SLC14A2: variants seen among roughly 807,000 people sequenced by gnomAD.
SLC14A2 encodes solute carrier family 14 member 2, also known as urea transporter 2.
SLC14A2 carries 91 observed loss-of-function variants against 104.6 expected under a neutral mutation model. That is an observed-to-expected ratio of 0.87 (90% CI 0.73 to 1.04). The LOEUF is 1.04. SLC14A2 is among the 50% of genes least tolerant of loss of function. The probability of loss-of-function intolerance (pLI) is 0.00; values close to 1 mark genes in which losing one functional copy is unlikely to be tolerated. For missense variants in SLC14A2, 1,189 were observed against 1,156.0 expected (o/e 1.03, Z -0.41); for synonymous variants, 476 against 466.4 (o/e 1.02, Z -0.27).
intron 1 of SLC14A2, among the ~76,000 whole-genome samples, chr18:45,229,133 C>T (rs2084149369): frequency 1.3e-5 from 2 of 152,174 alleles, no homozygotes; most frequent in South Asian, 4.1e-4. Flanking sequence ...GACAAGCACA[C>T]ATCCTCAATA....
intron 1 of SLC14A2, among the ~76,000 whole-genome samples, chr18:45,404,715 G>C (rs1249731869): frequency 6.6e-6 from 1 of 152,150 alleles, no homozygotes; most frequent in Non-Finnish European, 1.5e-5. Flanking sequence ...CCTGAAACTG[G>C]AGTTCCACTT....
At chr18:45,233,813 A>T (rs1017568656) in intron 1 of SLC14A2, among the ~76,000 whole-genome samples, 2 of 140,660 alleles carry the variant, frequency 1.4e-5, no homozygotes, top group East Asian at 2.2e-4. Flanking sequence ...ACCTAAAAGC[A>T]TTTGCCAGTG....
At chr18:45,297,271 ATATGT>A (rs2084926224) in intron 1 of SLC14A2, among the ~76,000 whole-genome samples, 1 of 152,334 alleles carries the variant, frequency 6.6e-6, no homozygotes, top group South Asian at 2.1e-4. Context: ...GTTTCTCTTG[ATATGT>A]TGTCTAATTC....
chr18:45,433,240 C>A (rs1285431390), intron 1 of SLC14A2, among the ~76,000 whole-genome samples: 1 of 152,094 alleles, frequency 6.6e-6, no homozygotes, highest in Non-Finnish European at 1.5e-5. Context: ...GAATATAGTA[C>A]CCCCTCAACA....
intron 1 of SLC14A2, among the ~76,000 whole-genome samples, chr18:45,228,064 A>G (rs2084137527): frequency 6.6e-6 from 1 of 152,168 alleles, no homozygotes; most frequent in Non-Finnish European, 1.5e-5. Context: ...GCCATTGGCA[A>G]TGTTCATTCT....
intron 2 of SLC14A2, among the ~76,000 whole-genome samples, chr18:45,547,591 G>A (rs773977827): frequency 3.9e-5 from 6 of 152,164 alleles, no homozygotes; most frequent in Non-Finnish European, 7.3e-5. Flanking sequence ...TCTGAGTCCC[G>A]GCCAGCCCCT....
chr18:45,439,662 T>A (rs2086652161), intron 1 of SLC14A2, among the ~76,000 whole-genome samples: 2 of 152,182 alleles, frequency 1.3e-5, no homozygotes, highest in Admixed American at 6.5e-5. Context: ...TCTGCTCTGC[T>A]GCACTAAGGA....
chr18:45,452,760 C>G (rs2086877822), intron 1 of SLC14A2, among the ~76,000 whole-genome samples: 1 of 152,162 alleles, frequency 6.6e-6, no homozygotes, highest in South Asian at 2.1e-4. Flanking sequence ...AAGACTCTAG[C>G]AAGACAAGGG....
intron 1 of SLC14A2, among the ~76,000 whole-genome samples, chr18:45,422,112 C>G (rs189716861): frequency 6.6e-6 from 1 of 152,164 alleles, no homozygotes; most frequent in Non-Finnish European, 1.5e-5. Context: ...AGGGTCTTGT[C>G]TGTTAGAAAT....
intron 2 of SLC14A2, among the ~76,000 whole-genome samples, chr18:45,500,700 G>T (rs1174855890): frequency 6.6e-6 from 1 of 151,724 alleles, no homozygotes; most frequent in Non-Finnish European, 1.5e-5. Flanking sequence ...CACATTCCTT[G>T]TTCCCAGCCC....
At chr18:45,414,757 A>AAAATATATATATATATATATATATATAT (rs1360051908) in intron 1 of SLC14A2, among the ~76,000 whole-genome samples, 1 of 76,112 alleles carries the variant, frequency 1.3e-5, no homozygotes, top group African/African-American at 7.7e-5. Context: ...AAAAAAAAAA[A>AAAATATATATATATATATATATATATAT]ATATATATAT....
At chr18:45,651,458 T>C (rs2045735715) in intron 10 of SLC14A2, among the ~76,000 whole-genome samples, 1 of 152,144 alleles carries the variant, frequency 6.6e-6, no homozygotes, top group Non-Finnish European at 1.5e-5. Flanking sequence ...GTTCAGTGTT[T>C]CTCCAGAGCA....
chr18:45,305,599 C>T (rs1274097309), intron 1 of SLC14A2, among the ~76,000 whole-genome samples: 1 of 152,230 alleles, frequency 6.6e-6, no homozygotes, highest in Non-Finnish European at 1.5e-5. Context: ...ACCCATTCCA[C>T]TTCCACCCAT....
At chr18:45,308,150 T>A (rs1423336969) in intron 1 of SLC14A2, among the ~76,000 whole-genome samples, 1 of 152,222 alleles carries the variant, frequency 6.6e-6, no homozygotes, top group Non-Finnish European at 1.5e-5. Flanking sequence ...CCTCCCGGTA[T>A]GTCCCACCTC....
intron 10 of SLC14A2, among the ~76,000 whole-genome samples, chr18:45,654,147 G>GGGCA: frequency 6.6e-6 from 1 of 151,842 alleles, no homozygotes; most frequent in Non-Finnish European, 1.5e-5. Flanking sequence ...TGGGGGGGAC[G>GGGCA]TGGGTGAGCT....
At chr18:45,181,804 CTT>C in the SLC14A2 span, among the ~76,000 whole-genome samples, 1 of 89,614 alleles carries the variant, frequency 1.1e-5, no homozygotes, top group Non-Finnish European at 3.0e-5. Context: ...AAACAGTTTA[CTT>C]TAATATATCT....
At chr18:45,229,572 T>C (rs961448698) in intron 1 of SLC14A2, among the ~76,000 whole-genome samples, 1 of 152,098 alleles carries the variant, frequency 6.6e-6, no homozygotes, top group African/African-American at 2.4e-5. Flanking sequence ...AGAACCTGAG[T>C]GCCTAGCACA....
chr18:45,650,253 T>G (rs2045708606), intron 10 of SLC14A2, among the ~76,000 whole-genome samples: 1 of 152,228 alleles, frequency 6.6e-6, no homozygotes, highest in Admixed American at 6.5e-5. Flanking sequence ...ATTTTTTTAG[T>G]TTAAAAATCA....
chr18:45,617,151 T>G (rs1686595927), intron 1 of SLC14A2, among the ~76,000 whole-genome samples: 1 of 152,164 alleles, frequency 6.6e-6, no homozygotes, highest in African/African-American at 2.4e-5. Context: ...TATGAGATTC[T>G]TCCAAACACA....
Sources: allele counts gnomAD v4.1 joint callset (sites outside exome capture counted in the v4.1 genomes callset), GRCh38; gene constraint gnomAD v4.1.1; transcripts MANE v1.5; gene names NCBI Gene and HGNC (gene_info 2026-07-23, HGNC 2026-07-21).